Variants in LGSN observed in about 807,000 individuals in gnomAD.
LGSN encodes the protein lengsin, lens protein with glutamine synthetase domain, also known as lengsin.
Under a neutral mutation model 19.5 loss-of-function variants are expected in LGSN, and 21 were observed. The ratio of observed to expected loss-of-function variants is 1.07; its 90% confidence interval spans 0.76 to 1.55. The LOEUF (loss-of-function observed/expected upper bound fraction) is 1.55, where lower values mean the gene tolerates loss of function less well. LGSN is among the 40% of genes most tolerant of loss of function. LGSN has a pLI of 0.00. For missense variants in LGSN, 673 were observed against 608.5 expected (o/e 1.11, Z -1.12); for synonymous variants, 257 against 215.6 (o/e 1.19, Z -1.68).
At chr6:63,546,182 C>T in the LGSN span, among the ~76,000 whole-genome samples, 4 of 152,224 alleles carry the variant, frequency 2.6e-5, no homozygotes, top group Non-Finnish European at 4.4e-5. Context: ...AGTATATACA[C>T]ACACAGGAAT....
the LGSN span, among the ~76,000 whole-genome samples, chr6:63,469,523 G>A: frequency 6.6e-6 from 1 of 152,162 alleles, no homozygotes; most frequent in East Asian, 1.9e-4. Flanking sequence ...GATATTTTAA[G>A]AAGATTGCCT....
the LGSN span, among the ~76,000 whole-genome samples, chr6:63,412,417 A>AAGAAG: frequency 1.7e-5 from 2 of 118,240 alleles, no homozygotes; most frequent in African/African-American, 9.7e-5. Context: ...GAAAGAAAGA[A>AAGAAG]GAAAGAAAGA....
chr6:63,454,632 C>T, the LGSN span, among the ~76,000 whole-genome samples: 17 of 151,560 alleles, frequency 1.1e-4, no homozygotes, highest in East Asian at 5.8e-4. Flanking sequence ...CCACCATCCC[C>T]GGCTAATTTT....
chr6:63,399,943 G>C, the LGSN span, among the ~76,000 whole-genome samples: 1 of 152,066 alleles, frequency 6.6e-6, no homozygotes. Flanking sequence ...GGCCTCAAGT[G>C]ATCTTCCCAC....
the LGSN span, among the ~76,000 whole-genome samples, chr6:63,457,247 C>T: frequency 2.0e-5 from 3 of 151,738 alleles, no homozygotes; most frequent in East Asian, 2.0e-4. Context: ...GGCTCACACC[C>T]GTAATCCACC....
chr6:63,309,925 T>C (rs868195827), intron 1 of LGSN, among the ~76,000 whole-genome samples: 2 of 152,222 alleles, frequency 1.3e-5, no homozygotes, highest in Non-Finnish European at 2.9e-5. Flanking sequence ...GTTATTTTTC[T>C]ATAACACAAT....
the LGSN span, among the ~76,000 whole-genome samples, chr6:63,484,357 C>G: frequency 6.6e-6 from 1 of 151,766 alleles, no homozygotes; most frequent in Non-Finnish European, 1.5e-5. Context: ...TACTAAAAAT[C>G]AAAAATAATT....
chr6:63,412,855 A>G, the LGSN span, among the ~76,000 whole-genome samples: 2 of 150,370 alleles, frequency 1.3e-5, no homozygotes, highest in African/African-American at 4.9e-5. Context: ...GAAGGAAGGG[A>G]GAGAGAGAGT....
chr6:63,439,408 C>T, the LGSN span, among the ~76,000 whole-genome samples: 2 of 151,796 alleles, frequency 1.3e-5, no homozygotes, highest in Non-Finnish European at 2.9e-5. Flanking sequence ...ATTAGCCAGG[C>T]GTGGTGGCGT....
the LGSN span, among the ~76,000 whole-genome samples, chr6:63,382,161 T>G: frequency 6.6e-6 from 1 of 152,228 alleles, no homozygotes; most frequent in African/African-American, 2.4e-5. Context: ...TTATATTTCA[T>G]AAGCAAGCAT....
At chr6:63,396,537 G>C in the LGSN span, 1 of 156,022 alleles carries the variant, frequency 6.4e-6, no homozygotes, top group Admixed American at 6.5e-5. Context: ...CCCTAGTCAG[G>C]CTGCTCTGGA....
At chr6:63,362,566 G>A in the LGSN span, among the ~76,000 whole-genome samples, 8 of 152,352 alleles carry the variant, frequency 5.3e-5, no homozygotes, top group African/African-American at 1.9e-4. Context: ...GCCTGGCTCA[G>A]AGGGTCTCAC....
In LGSN at chr6:63,294,840, T is replaced by TTTA. The variant is rs1440129618; in HGVS notation, c.163+70_163+72dup. 32 of 1,454,282 alleles carry TTTA rather than the reference T, an allele frequency of 2.2e-5. No individual in the cohort carries two copies. The Middle Eastern group carries it at 7.0e-4, about 32-fold the overall frequency. 90.1% of individuals were successfully genotyped at this position (1,454,282 alleles called of 1,614,324 possible). A position where few individuals can be genotyped will look rare whatever the true frequency, so the allele number is the denominator to read the frequency against. On this transcript the variant is annotated intron_variant, in intron 2 of 3. Coordinates refer to ENST00000370657, the MANE Select transcript of LGSN (RefSeq NM_016571.3). The stretch of plus-strand genomic sequence containing the variant: ...TCTCCCAAAAAAGAAATGAAGATGT[T>TTTA]TTATGAAAAGAAAGACCAAATGGAG...
chr6:63,354,548 T>C, the LGSN span, among the ~76,000 whole-genome samples: 1 of 152,192 alleles, frequency 6.6e-6, no homozygotes, highest in Non-Finnish European at 1.5e-5. Context: ...TTGATGGGAA[T>C]GTAAATTAGT....
chr6:63,470,210 G>A, the LGSN span, among the ~76,000 whole-genome samples: 1 of 151,874 alleles, frequency 6.6e-6, no homozygotes, highest in Admixed American at 6.6e-5. Context: ...GCTCACACCT[G>A]TAATCCCAGC....
the LGSN span, among the ~76,000 whole-genome samples, chr6:63,543,662 T>C: frequency 1.3e-5 from 2 of 152,014 alleles, no homozygotes. Flanking sequence ...ATCCAATTGG[T>C]TCCCCAGTCA....
At chr6:63,375,032 A>C in the LGSN span, among the ~76,000 whole-genome samples, 1 of 152,242 alleles carries the variant, frequency 6.6e-6, no homozygotes, top group Non-Finnish European at 1.5e-5. Flanking sequence ...CCTAATTATC[A>C]TGGGAACTCT....
the LGSN span, among the ~76,000 whole-genome samples, chr6:63,475,230 C>T: frequency 6.0e-5 from 9 of 151,212 alleles, no homozygotes; most frequent in Non-Finnish European, 1.0e-4. Flanking sequence ...GTCCCCATAC[C>T]CTAACACCCC....
At chr6:63,414,709 A>G in the LGSN span, among the ~76,000 whole-genome samples, 3 of 152,328 alleles carry the variant, frequency 2.0e-5, no homozygotes, top group African/African-American at 7.2e-5. Flanking sequence ...GAGCTCAGGA[A>G]TTCAAGACCA....
Sources: allele counts gnomAD v4.1 joint callset (sites outside exome capture counted in the v4.1 genomes callset), GRCh38; gene constraint gnomAD v4.1.1; transcripts MANE v1.5; gene names NCBI Gene and HGNC (gene_info 2026-07-23, HGNC 2026-07-21).